CDH12: variants seen among roughly 807,000 people sequenced by gnomAD.
CDH12 encodes cadherin 12.
CDH12 carries 41 observed loss-of-function variants against 74.1 expected under a neutral mutation model. That is an observed-to-expected ratio of 0.55 (90% CI 0.43 to 0.72). The LOEUF is 0.72. CDH12 is among the 30% of genes least tolerant of loss of function. The pLI, the probability that CDH12 is intolerant of heterozygous loss-of-function variation, is 0.00. For missense variants in CDH12, 945 were observed against 977.2 expected, an observed-to-expected ratio of 0.97 and a Z score of 0.44; for synonymous variants, 399 against 355.0, an observed-to-expected ratio of 1.12 and a Z score of -1.39.
At chr5:22,300,120 G>T (rs893728010) in intron 3 of CDH12, among the ~76,000 whole-genome samples, 1 of 152,132 alleles carries the variant, frequency 6.6e-6, no homozygotes, top group Non-Finnish European at 1.5e-5. Context: ...ATGACATTTG[G>T]ATGGAAATGG....
chr5:22,457,858 CCTCAGT>C (rs1033942197), intron 2 of CDH12, among the ~76,000 whole-genome samples: 21 of 152,152 alleles, frequency 1.4e-4, no homozygotes, highest in Non-Finnish European at 2.9e-4. Context: ...AATTCTCCTG[CCTCAGT>C]CTCCCGAGTA....
intron 1 of CDH12, among the ~76,000 whole-genome samples, chr5:22,658,268 A>T (rs1249446653): frequency 6.6e-6 from 1 of 152,120 alleles, no homozygotes; most frequent in Non-Finnish European, 1.5e-5. Flanking sequence ...TGGATCTTAC[A>T]GTGTTCATAT....
chr5:22,113,304 T>A (rs1056413943), intron 4 of CDH12, among the ~76,000 whole-genome samples: 4 of 152,170 alleles, frequency 2.6e-5, no homozygotes, highest in African/African-American at 9.7e-5. Flanking sequence ...TAGATTTTTT[T>A]AATTCTAGGC....
chr5:21,773,858 A>T (rs1339033275), intron 11 of CDH12, among the ~76,000 whole-genome samples: 2 of 152,164 alleles, frequency 1.3e-5, no homozygotes, highest in African/African-American at 4.8e-5. Context: ...TTGACTTCAT[A>T]TCAGCATTTA....
At chr5:22,616,595 C>T (rs1737701837) in intron 1 of CDH12, among the ~76,000 whole-genome samples, 1 of 152,014 alleles carries the variant, frequency 6.6e-6, no homozygotes, top group African/African-American at 2.4e-5. Flanking sequence ...CAAAATTAAA[C>T]ATGTACATGC....
At chr5:22,277,866 C>G (rs558597446) in intron 3 of CDH12, 1 of 158,266 alleles carries the variant, frequency 6.3e-6, no homozygotes, top group Non-Finnish European at 1.4e-5. Flanking sequence ...AACAAACAAA[C>G]GAAACAATCA....
intron 1 of CDH12, among the ~76,000 whole-genome samples, chr5:22,772,271 C>A (rs1383112783): frequency 6.6e-6 from 1 of 151,938 alleles, no homozygotes; most frequent in East Asian, 1.9e-4. Flanking sequence ...AGTACAAAGT[C>A]CATGAGTCAC....
intron 3 of CDH12, among the ~76,000 whole-genome samples, chr5:22,391,637 C>T (rs577592495): frequency 6.6e-6 from 1 of 151,842 alleles, no homozygotes; most frequent in South Asian, 2.1e-4. Context: ...GAATTAGTGC[C>T]CTACCTAAAT....
intron 3 of CDH12, among the ~76,000 whole-genome samples, chr5:22,375,825 C>T (rs895730723): frequency 7.1e-6 from 1 of 141,376 alleles, no homozygotes; most frequent in Non-Finnish European, 1.5e-5. Context: ...CAGATGCTAA[C>T]GAGGCTGGGG....
At chr5:21,756,771 A>G (rs1350778057) in intron 13 of CDH12, among the ~76,000 whole-genome samples, 1 of 152,182 alleles carries the variant, frequency 6.6e-6, no homozygotes, top group Non-Finnish European at 1.5e-5. Flanking sequence ...ATAATTTTTA[A>G]AAGTGTATAA....
chr5:21,974,747 G>A (rs1756988986), intron 6 of CDH12, among the ~76,000 whole-genome samples: 1 of 152,104 alleles, frequency 6.6e-6, no homozygotes, highest in African/African-American at 2.4e-5. Context: ...GCATTTTGTG[G>A]TGTAGGGTAG....
At chr5:22,035,465 A>G (rs1739106435) in intron 5 of CDH12, among the ~76,000 whole-genome samples, 1 of 152,098 alleles carries the variant, frequency 6.6e-6, no homozygotes, top group Non-Finnish European at 1.5e-5. Context: ...AACAGAAAGT[A>G]TAAAAACATG....
chr5:22,657,786 T>C (rs2126893145), intron 1 of CDH12, among the ~76,000 whole-genome samples: 1 of 152,296 alleles, frequency 6.6e-6, no homozygotes, highest in South Asian at 2.1e-4. Context: ...AATTTGGGCA[T>C]GAAGAGTAAT....
intron 3 of CDH12, among the ~76,000 whole-genome samples, chr5:22,381,562 C>T (rs1741759064): frequency 6.6e-6 from 1 of 151,744 alleles, no homozygotes; most frequent in African/African-American, 2.4e-5. Flanking sequence ...TATTGAGTCT[C>T]TTACTATTCA....
chr5:22,788,761 A>G (rs1351322545), intron 1 of CDH12, among the ~76,000 whole-genome samples: 2 of 150,520 alleles, frequency 1.3e-5, no homozygotes, highest in Non-Finnish European at 1.5e-5. Flanking sequence ...GTTATAATGT[A>G]TATATTTTTT....
chr5:22,290,554 A>C (rs551164985), intron 3 of CDH12, among the ~76,000 whole-genome samples: 1 of 152,322 alleles, frequency 6.6e-6, no homozygotes, highest in South Asian at 2.1e-4. Flanking sequence ...AACAGGAGAG[A>C]GAATCTGTGA....
chr5:22,080,955 A>T (rs1027797315), intron 4 of CDH12, among the ~76,000 whole-genome samples: 92 of 151,464 alleles, frequency 6.1e-4, no homozygotes, highest in Non-Finnish European at 9.9e-4. Context: ...AATTTTTTTT[A>T]TTTTTAGTAG....
intron 6 of CDH12, among the ~76,000 whole-genome samples, chr5:21,874,883 A>T (rs745991104): frequency 6.6e-6 from 1 of 152,168 alleles, no homozygotes; most frequent in Non-Finnish European, 1.5e-5. Context: ...ACATTCATGC[A>T]TGGCCCAAAG....
At chr5:22,341,387 A>G (rs2150455110) in intron 3 of CDH12, among the ~76,000 whole-genome samples, 1 of 152,316 alleles carries the variant, frequency 6.6e-6, no homozygotes, top group Middle Eastern at 3.4e-3. Flanking sequence ...GCAGTTACAG[A>G]AAAGATACAC....
Sources: allele counts gnomAD v4.1 joint callset (sites outside exome capture counted in the v4.1 genomes callset), GRCh38; gene constraint gnomAD v4.1.1; transcripts MANE v1.5; gene names NCBI Gene and HGNC (gene_info 2026-07-23, HGNC 2026-07-21).